The following ZNF592 variants were observed in gnomAD, a reference collection of about 807,000 sequenced individuals.
ZNF592 encodes the protein spinocerebellar ataxia, autosomal recessive 5.
In ZNF592, 11 loss-of-function variants were observed where a neutral mutation model predicts 80.3. The observed-to-expected ratio is 0.14, with a 90% confidence interval of 0.09 to 0.23. The LOEUF (loss-of-function observed/expected upper bound fraction) is 0.23. ZNF592 is among the 10% of genes least tolerant of loss of function. The pLI is 1.00. For synonymous variants in ZNF592, 646 were observed against 640.3 expected (o/e 1.01, Z -0.13); for missense variants, 1,420 against 1,633.9 (o/e 0.87, Z 2.26).
In ZNF592 at chr15:84,784,884, A is replaced by T. The variant is rs774350931; in HGVS notation, c.2209A>T (p.Thr737Ser). 6.2e-7 allele frequency: 1 copy of T among 1,614,092 alleles called. No homozygotes were observed. Among genetic ancestry groups the T allele is most frequent in the South Asian group, 1.1e-5 (1 of 91,070 alleles). The part of the protein sequence containing the change: ...AAHFQRTTEE[T>S]EGLTCQVCQM... ...ACATTTCCAGAGGACAACAGAGGAG[A>T]CAGAGGGGCTGGTAAGCAGACCCTC... The change falls in exon 4 of 11, where the codon ACA becomes TCA. Residue 737 changes from threonine to serine, a missense_variant. Transcript: ENST00000560079. The surrounding 1 kb of genome is among the most constrained non-coding windows in gnomAD (Gnocchi z 5.8).
At chr15:84,754,095 C>T (rs978836513) in intron 1 of ZNF592, among the ~76,000 whole-genome samples, 5 of 152,150 alleles carry the variant, frequency 3.3e-5, no homozygotes, top group Non-Finnish European at 5.9e-5. Flanking sequence ...CACATTTGAT[C>T]CTTTTTATGG....
rs1596135630 is a variant in ZNF592, at chr15:84,799,185, A to G, written c.3112A>G (p.Thr1038Ala). The change falls in exon 9 of 11, where the codon ACA becomes GCA. Residue 1038 changes from threonine to alanine, a missense_variant. Physicochemically the swap from Thr to Ala is moderately conservative, Grantham distance 58. Around this residue, in one of 7 missense-constraint regions of ZNF592, gnomAD observed 331 missense variants for 347.0 expected, o/e 0.95. Coordinates refer to ENST00000560079, the MANE Select transcript of ZNF592 (RefSeq NM_014630.3). This position sits in a 1 kb window ranked among gnomAD's most constrained non-coding sequence, Gnocchi z 4.2. ...CAAACACATCCGCAACAACCATGAC[A>G]CAGTAAAGAAGTTCTACACCTGCGG... Reference protein sequence around the residue: ...LRKHIRNNHDTVKKFYTCGYC... With the variant: ...LRKHIRNNHDAVKKFYTCGYC... 2 of 1,614,086 alleles carry G rather than the reference A, an allele frequency of 1.2e-6. No individual in the cohort carries two copies. Among genetic ancestry groups the G allele is most frequent in the East Asian group, 2.2e-5 (1 of 44,870 alleles).
chr15:84,760,679 G>A (rs1899324289), intron 1 of ZNF592, among the ~76,000 whole-genome samples: 1 of 152,146 alleles, frequency 6.6e-6, no homozygotes, highest in African/African-American at 2.4e-5. Context: ...GGGCAGTGTA[G>A]CTAGCAGCTG....
At chr15:84,795,015 A>G (rs1395622739) in intron 5 of ZNF592, among the ~76,000 whole-genome samples, 1 of 151,466 alleles carries the variant, frequency 6.6e-6, no homozygotes, top group African/African-American at 2.4e-5. Flanking sequence ...ATATTATTTT[A>G]TGTTTTGTAT....
intron 3 of ZNF592, among the ~76,000 whole-genome samples, chr15:84,779,997 T>TG (rs1468958378): frequency 1.3e-5 from 2 of 150,694 alleles, no homozygotes; most frequent in African/African-American, 4.9e-5. Flanking sequence ...TTGTTTTTTT[T>TG]TTTTTTTGAG....
Position 84,790,816 on chromosome 15 carries a change from C to T in ZNF592, c.2332C>T (p.Arg778Cys), listed in dbSNP as rs376104089. ...CTGCCCGGAGTGTGGGGTCCTCTGCCGCTCTGCCTACTTCCAGACCCATGT... is the reference window on the plus strand; with the variant it reads ...CTGCCCGGAGTGTGGGGTCCTCTGCTGCTCTGCCTACTTCCAGACCCATGT... ...YCCPECGVLC[R>C]SAYFQTHVKE... Residue 778 changes from arginine (R) to cysteine (C), a missense_variant, in exon 5 of 11, where the codon CGC (arginine) becomes TGC (cysteine). This residue lies in a region of ZNF592 where 524 missense variants were observed against 628.3 expected (regional missense o/e 0.83). Transcript: ENST00000560079. The T allele has an allele frequency of 1.1e-5, 17 of 1,614,112 alleles. No individual in the cohort carries two copies. Among genetic ancestry groups the T allele is most frequent in the Admixed American group, 1.7e-5 (1 of 60,006 alleles).
Position 84,799,314 on chromosome 15 carries a change from G to A in ZNF592, c.3137+104G>A, listed in dbSNP as rs544435416. ...CTGCAAGATCAGGTGTCTAAGACAA[G>A]AGACAAGTGATTTCCAACTGGAAGA... is the stretch of plus-strand genomic sequence containing the variant. On this transcript the variant is annotated intron_variant, in intron 9 of 10. Coordinates refer to ENST00000560079, the MANE Select transcript of ZNF592 (RefSeq NM_014630.3). The surrounding 1 kb of genome is among the most constrained non-coding windows in gnomAD (Gnocchi z 4.2). 6.1e-4 allele frequency: 723 copies of A among 1,190,270 alleles called. 1 individual carries two copies. Among genetic ancestry groups the A allele is most frequent in the Non-Finnish European group, 8.7e-4 (694 of 800,684 alleles). The allele number at this position is 1,190,270 out of a possible 1,614,324, so 73.7% of individuals were successfully genotyped here.
intron 1 of ZNF592, among the ~76,000 whole-genome samples, chr15:84,751,647 G>C (rs1899017164): frequency 6.7e-6 from 1 of 149,094 alleles, no homozygotes; most frequent in South Asian, 2.1e-4. Context: ...GCTCATGTCT[G>C]TAATCCCAGC....
rs1963132739 is a variant in ZNF592 at position 84,802,558 on chromosome 15, C to T, written c.*165C>T. On this transcript the variant is annotated 3_prime_UTR_variant, in exon 11 of 11. Transcript: ENST00000560079. ...GCCAGTGCTGGGTATCCCCCAGCCC[C>T]AGGAAATGTGGGGTCGGCCAGGACC... The T allele has an allele frequency of 2.4e-6, 2 of 816,782 alleles. No homozygotes were observed. The highest frequency in any genetic ancestry group is 1.9e-6 in the Non-Finnish European group (1 of 516,788). The allele number at this position is 816,782 out of a possible 1,614,324, so 50.6% of individuals were successfully genotyped here. A position where few individuals can be genotyped will look rare whatever the true frequency, so the allele number is the denominator to read the frequency against.
intron 4 of ZNF592, 59 bp from the exon 5 acceptor site, chr15:84,790,646 T>C (rs2141993449): frequency 7.6e-6 from 12 of 1,576,506 alleles, no homozygotes; most frequent in Non-Finnish European, 9.6e-6. Context: ...ACAGCCCTGA[T>C]TGGAGAGCCA....
rs759183460 is a variant in ZNF592, at chr15:84,790,746, T to C, written c.2262T>C (p.Ser754=). 33 of 1,613,976 alleles carry C rather than the reference T, an allele frequency of 2.0e-5. No individual in the cohort carries two copies. Among genetic ancestry groups the C allele is most frequent in the Non-Finnish European group, 2.6e-5 (31 of 1,180,016 alleles). ...VCQMLLPNQC[S]FCAHQRIHAH... ...AAATGCTGCTGCCCAACCAGTGCAGTTTCTGTGCCCACCAGCGGATTCATG... is the reference window on the plus strand; with the variant it reads ...AAATGCTGCTGCCCAACCAGTGCAGCTTCTGTGCCCACCAGCGGATTCATG... Residue 754 remains serine, a synonymous_variant, in exon 5 of 11, where the codon AGT becomes AGC. Transcript: ENST00000560079.
At position 84,798,100 on chromosome 15, in the gene ZNF592, G is replaced by A. The variant is rs1301294411; in HGVS notation, c.2576+55G>A. 1.9e-6 allele frequency: 3 copies of A among 1,600,652 alleles called. No homozygotes were observed. The highest frequency in any genetic ancestry group is 2.7e-5 in the African/African-American group (2 of 74,718). ...TGTGGAGCAGAGAGGAGTAGCCTGGGTGCTGTAGGGGGTGGCATAGGGATG... is the reference window on the plus strand; with the variant it reads ...TGTGGAGCAGAGAGGAGTAGCCTGGATGCTGTAGGGGGTGGCATAGGGATG... On this transcript the variant is annotated intron_variant, in intron 6 of 10. Transcript: ENST00000560079. This position sits in a 1 kb window ranked among gnomAD's most constrained non-coding sequence, Gnocchi z 4.5.
intron 1 of ZNF592, among the ~76,000 whole-genome samples, chr15:84,752,790 G>A (rs1200244144): frequency 2.0e-5 from 3 of 152,160 alleles, no homozygotes; most frequent in Non-Finnish European, 4.4e-5. Context: ...CTGCTTCGTA[G>A]ACCAGAAATT....
Position 84,798,190 on chromosome 15 carries a change from G to A in ZNF592, c.2577-125G>A. 3 of 1,565,852 alleles carry A rather than the reference G, an allele frequency of 1.9e-6. No homozygotes were observed. Among genetic ancestry groups the A allele is most frequent in the Non-Finnish European group, 2.6e-6 (3 of 1,146,142 alleles). On this transcript the variant is annotated intron_variant, in intron 6 of 10. Transcript: ENST00000560079. The surrounding 1 kb of genome is among the most constrained non-coding windows in gnomAD (Gnocchi z 4.5). ...CGTACTAAGGATGTCCTGAGGCAGG[G>A]GAGCATCCACATTGGCTCAGGGTAG...
At chr15:84,770,910 G>C (rs1315375961) in intron 2 of ZNF592, among the ~76,000 whole-genome samples, 2 of 152,162 alleles carry the variant, frequency 1.3e-5, no homozygotes, top group Non-Finnish European at 2.9e-5. Context: ...TTGTTAGAAT[G>C]TTCGCAGTAT....
At chr15:84,787,000 G>A (rs532539728) in intron 4 of ZNF592, among the ~76,000 whole-genome samples, 15 of 151,904 alleles carry the variant, frequency 9.9e-5, no homozygotes, top group South Asian at 6.2e-4. Context: ...ACAGGTGTGC[G>A]CCACCATGCC....
chr15:84,765,973 C>T (rs1899506071), intron 2 of ZNF592, among the ~76,000 whole-genome samples: 1 of 150,928 alleles, frequency 6.6e-6, no homozygotes, highest in Admixed American at 6.6e-5. Flanking sequence ...TGTGTACTCA[C>T]TCAGATTCGG....
intron 3 of ZNF592, among the ~76,000 whole-genome samples, chr15:84,781,061 A>G (rs1962406665): frequency 6.6e-6 from 1 of 151,632 alleles, no homozygotes; most frequent in African/African-American, 2.4e-5. Context: ...TTATTTATTT[A>G]TTTTGAGATG....
chr15:84,775,419 T>G (rs1962216432), intron 2 of ZNF592, among the ~76,000 whole-genome samples: 1 of 146,112 alleles, frequency 6.8e-6, no homozygotes, highest in Non-Finnish European at 1.5e-5. Flanking sequence ...GTTGTTGTTG[T>G]TGTTGTTGTT....
Sources: allele counts gnomAD v4.1 joint callset (sites outside exome capture counted in the v4.1 genomes callset), GRCh38; gene constraint gnomAD v4.1.1; regional missense constraint gnomAD v4.1.1; non-coding constraint Gnocchi (gnomAD v3.1); transcripts MANE v1.5; gene names NCBI Gene and HGNC (gene_info 2026-07-23, HGNC 2026-07-21).